Variants in CFAP44 observed in about 807,000 individuals in gnomAD.
The protein encoded by CFAP44 is cilia and flagella associated protein 44.
A neutral mutation model predicts 216.2 loss-of-function variants in CFAP44; 134 were observed. The observed-to-expected ratio is 0.62, with a 90% CI of 0.54 to 0.72. CFAP44 has a LOEUF of 0.72. Among genes scored for constraint, CFAP44 ranks in the 30% least tolerant of loss-of-function variants. The pLI is 0.00. For synonymous variants in CFAP44, 700 were observed against 727.6 expected, an observed-to-expected ratio of 0.96 and a Z score of 0.61; for missense variants, 2,035 against 2,182.1, an observed-to-expected ratio of 0.93 and a Z score of 1.34.
At chr3:113,422,437 C>A (rs1934842054) in intron 4 of CFAP44, among the ~76,000 whole-genome samples, 1 of 152,152 alleles carries the variant, frequency 6.6e-6, no homozygotes, top group Non-Finnish European at 1.5e-5. Context: ...TAACCAACCA[C>A]AAGCAGCCTA....
intron 2 of CFAP44, among the ~76,000 whole-genome samples, chr3:113,433,115 T>G (rs1935147135): frequency 6.6e-6 from 1 of 152,116 alleles, no homozygotes; most frequent in Non-Finnish European, 1.5e-5. Context: ...TTCCTACAGC[T>G]TTCTGGGAAC....
intron 8 of CFAP44, among the ~76,000 whole-genome samples, chr3:113,405,037 CT>C (rs1252497562): frequency 6.6e-6 from 1 of 152,188 alleles, no homozygotes; most frequent in African/African-American, 2.4e-5. Context: ...CTTAAAAAGT[CT>C]TATTTTTATG....
intron 22 of CFAP44, among the ~76,000 whole-genome samples, chr3:113,356,405 CA>C (rs1488409289): frequency 1.3e-5 from 2 of 151,948 alleles, no homozygotes; most frequent in African/African-American, 4.8e-5. Context: ...AGAACCTAAC[CA>C]ATCTTGGAGA....
intron 28 of CFAP44, among the ~76,000 whole-genome samples, chr3:113,309,766 G>A (rs922089675): frequency 6.6e-6 from 1 of 152,182 alleles, no homozygotes; most frequent in Non-Finnish European, 1.5e-5. Context: ...ATGCACCTTA[G>A]AACCTGAGGA....
intron 8 of CFAP44, among the ~76,000 whole-genome samples, chr3:113,405,944 T>C (rs1934264652): frequency 6.6e-6 from 1 of 152,332 alleles, no homozygotes; most frequent in East Asian, 1.9e-4. Flanking sequence ...GAATTGAGAA[T>C]ATTCAGTCAG....
chr3:113,429,865 A>G (rs931592579), intron 2 of CFAP44, among the ~76,000 whole-genome samples: 2 of 152,124 alleles, frequency 1.3e-5, no homozygotes, highest in African/African-American at 4.8e-5. Flanking sequence ...TCTACAGTCT[A>G]CTTAAGAGTT....
chr3:113,342,819 G>T (rs537200452), intron 23 of CFAP44, among the ~76,000 whole-genome samples: 1 of 149,806 alleles, frequency 6.7e-6, no homozygotes. Context: ...TGAAACCCCC[G>T]TCTCTGCTAA....
rs556850221 is a variant in CFAP44 at position 113,324,854 on chromosome 3, C to T, written c.4516+1591G>A. On this transcript the variant is annotated intron_variant, in intron 28 of 34. Coordinates refer to ENST00000393845, the MANE Select transcript of CFAP44 (RefSeq NM_001164496.2). ...AGCAAAACCCACAATTACTTTTGCA[C>T]CAACCTAATCATCTACATAGAAATC... is the stretch of plus-strand genomic sequence containing the variant. 7.2e-5 allele frequency among the ~76,000 whole-genome samples: 11 copies of T among 152,252 alleles called. No individual in the cohort carries two copies. In the South Asian group the frequency reaches 1.5e-3, roughly 20 times the overall value.
At chr3:113,293,549 A>C (rs890279886) in intron 34 of CFAP44, among the ~76,000 whole-genome samples, 3 of 152,210 alleles carry the variant, frequency 2.0e-5, no homozygotes, top group Admixed American at 1.3e-4. Context: ...TCCTGCCTCT[A>C]AGCTGTTTCC....
chr3:113,433,764 T>C (rs2291412), intron 1 of CFAP44, 95 bp from the exon 2 acceptor site: 34,687 of 958,450 alleles, frequency 0.036, 900 homozygotes, highest in East Asian at 0.11. Context: ...CCAAACACCA[T>C]GTGTGTCAAT....
chr3:113,323,894 A>T (rs1362974059), intron 28 of CFAP44, among the ~76,000 whole-genome samples: 1 of 152,124 alleles, frequency 6.6e-6, no homozygotes, highest in Non-Finnish European at 1.5e-5. Flanking sequence ...ACACAAAAAA[A>T]TTAGCTGGGC....
At chr3:113,305,397 GA>G (rs958930226) in intron 30 of CFAP44, among the ~76,000 whole-genome samples, 4 of 152,156 alleles carry the variant, frequency 2.6e-5, no homozygotes, top group Non-Finnish European at 5.9e-5. Context: ...TTGTGAATAA[GA>G]GCCCAGAAGA....
Position 113,340,389 on chromosome 3 carries a change from G to T in CFAP44, c.3437+1355C>A, listed in dbSNP as rs116005061. ...TGGGGGTTTCGACCTCCCAGTTAGG[G>T]TGGAGTTTTTAAAACTCAGTGAAGA... On this transcript the variant is annotated intron_variant, in intron 24 of 34. Coordinates refer to ENST00000393845, the MANE Select transcript of CFAP44 (RefSeq NM_001164496.2). Among the ~76,000 whole-genome samples, 1,302 of 152,250 alleles carry T rather than the reference G, an allele frequency of 8.6e-3. 21 individuals are homozygous for T. Among genetic ancestry groups the T allele is most frequent in the African/African-American group, 0.03 (1,247 of 41,542 alleles).
At chr3:113,433,827 A>C in intron 1 of CFAP44, 158 bp from the exon 2 acceptor site, 1 of 582,028 alleles carries the variant, frequency 1.7e-6, no homozygotes, top group African/African-American at 1.9e-5. Context: ...GGGTGCAACT[A>C]CCACCAGAGA....
chr3:113,311,365 T>C (rs1950036123), intron 28 of CFAP44, among the ~76,000 whole-genome samples: 1 of 152,202 alleles, frequency 6.6e-6, no homozygotes, highest in African/African-American at 2.4e-5. Context: ...GGAAATAATT[T>C]GAATCATGGG....
At chr3:113,390,626 T>C (rs1253329804) in intron 15 of CFAP44, among the ~76,000 whole-genome samples, 1 of 152,100 alleles carries the variant, frequency 6.6e-6, no homozygotes, top group Non-Finnish European at 1.5e-5. Context: ...CTATTAGAAC[T>C]GGTAAACAAA....
intron 21 of CFAP44, chr3:113,360,802 G>T: frequency 5.4e-6 from 1 of 186,550 alleles, no homozygotes; most frequent in Non-Finnish European, 1.1e-5. Flanking sequence ...GTGCAGGGCA[G>T]AGAGACCAAC....
rs112623705 is a variant in CFAP44 at position 113,299,457 on chromosome 3, G to A, written c.5078-2572C>T. ...TAGAGAAAACGAAACCCTCATACAC[G>A]GTTGGTGGGAATGTAAATTAGTGCA... On this transcript the variant is annotated intron_variant, in intron 32 of 34. Coordinates refer to ENST00000393845, the MANE Select transcript of CFAP44 (RefSeq NM_001164496.2). Among the ~76,000 whole-genome samples, 606 of 152,250 alleles carry A rather than the reference G, an allele frequency of 4.0e-3. 5 individuals carry two copies. The highest frequency in any genetic ancestry group is 5.5e-3 in the Non-Finnish European group (372 of 68,008).
intron 28 of CFAP44, among the ~76,000 whole-genome samples, chr3:113,325,703 T>C (rs896852724): frequency 6.6e-6 from 1 of 152,132 alleles, no homozygotes. Context: ...TTTGTAGATA[T>C]AAAGAAGATT....
Sources: gnomAD v4.1 joint callset for allele counts (sites outside exome capture counted in the v4.1 genomes callset) on GRCh38, gnomAD v4.1.1 for gene constraint, MANE v1.5 for transcripts, NCBI Gene and HGNC (gene_info 2026-07-23, HGNC 2026-07-21) for gene names.